The following RBFOX1 variants were observed in gnomAD, a reference collection of about 807,000 sequenced individuals.
RBFOX1 encodes the protein RNA binding fox-1 homolog 1.
A neutral mutation model predicts 57.7 loss-of-function variants in RBFOX1; 8 were observed. That is an observed-to-expected ratio of 0.14 (90% CI 0.08 to 0.25). RBFOX1 has a LOEUF of 0.25. RBFOX1 is among the 10% of genes least tolerant of loss of function. The pLI, the probability that RBFOX1 is intolerant of heterozygous loss-of-function variation, is 1.00. For missense variants in RBFOX1, 611 were observed against 548.5 expected, an observed-to-expected ratio of 1.11 and a Z score of -1.14; for synonymous variants, 326 against 222.4, an observed-to-expected ratio of 1.47 and a Z score of -4.15.
intron 1 of RBFOX1, among the ~76,000 whole-genome samples, chr16:6,023,225 T>C (rs1035845500): frequency 2.0e-5 from 3 of 151,690 alleles, no homozygotes; most frequent in African/African-American, 7.3e-5. Flanking sequence ...CCTCCTGGAA[T>C]TGACCCACTC....
intron 10 of RBFOX1, among the ~76,000 whole-genome samples, chr16:7,617,435 T>C (rs920737621): frequency 2.6e-5 from 4 of 152,154 alleles, no homozygotes; most frequent in Admixed American, 1.3e-4. Flanking sequence ...TACAAAAACA[T>C]TGTCCCTACT....
At chr16:7,696,504 G>T (rs1176732828) in intron 14 of RBFOX1, among the ~76,000 whole-genome samples, 1 of 145,746 alleles carries the variant, frequency 6.9e-6, no homozygotes, top group African/African-American at 2.8e-5. Flanking sequence ...GTATGAGAAT[G>T]GAGGTTGAAA....
chr16:6,532,721 C>T (rs1466768332), intron 2 of RBFOX1, among the ~76,000 whole-genome samples: 1 of 152,262 alleles, frequency 6.6e-6, no homozygotes, highest in East Asian at 1.9e-4. Flanking sequence ...CACTGGACTC[C>T]ATTCCCATTT....
chr16:6,407,567 G>GTGTGTGTGTGTGTGTGTGTC lies in RBFOX1; in HGVS notation c.-64+90510_-64+90511insTGTGTGTGTGTGTGTGTGTC, dbSNP rs67151505. On this transcript the variant is annotated intron_variant, in intron 2 of 15. Transcript: ENST00000550418. Reference sequence around the variant, plus strand: ...TGTGTGTGTGTGTGTGTGTGTGTGTGACAGAGAGAGAGAGAGAGAGAGAGA... The same window carrying GTGTGTGTGTGTGTGTGTGTC: ...TGTGTGTGTGTGTGTGTGTGTGTGTGTGTGTGTGTGTGTGTGTGTCACAGAGAGAGAGAGAGAGAGAGAGA... Among the ~76,000 whole-genome samples the GTGTGTGTGTGTGTGTGTGTC allele has an allele frequency of 1.9e-3, 278 of 145,072 alleles. 4 individuals carry two copies. Among genetic ancestry groups the GTGTGTGTGTGTGTGTGTGTC allele is most frequent in the Middle Eastern group, 0.011 (3 of 278 alleles).
chr16:7,683,911 GC>G (rs1166669612), intron 14 of RBFOX1, among the ~76,000 whole-genome samples: 1 of 152,082 alleles, frequency 6.6e-6, no homozygotes, highest in Non-Finnish European at 1.5e-5. Context: ...AGCTCATGCA[GC>G]ATTTGTGGAT....
At chr16:7,272,505 T>C (rs1299796550) in intron 4 of RBFOX1, among the ~76,000 whole-genome samples, 1 of 152,202 alleles carries the variant, frequency 6.6e-6, no homozygotes, top group Non-Finnish European at 1.5e-5. Context: ...AGTTTAGACA[T>C]ATATGTTGCT....
chr16:7,374,638 CA>C (rs1324018680), intron 4 of RBFOX1, among the ~76,000 whole-genome samples: 2 of 151,946 alleles, frequency 1.3e-5, no homozygotes, highest in African/African-American at 4.8e-5. Context: ...AAACTAAAAA[CA>C]AAAAAATTAA....
intron 2 of RBFOX1, among the ~76,000 whole-genome samples, chr16:6,645,961 G>A (rs536823270): frequency 2.0e-5 from 3 of 152,280 alleles, no homozygotes; most frequent in African/African-American, 7.2e-5. Context: ...TCTGCTATCT[G>A]TGTGGAATCC....
intron 1 of RBFOX1, among the ~76,000 whole-genome samples, chr16:6,308,002 T>C (rs1335811930): frequency 1.3e-5 from 2 of 150,078 alleles, no homozygotes; most frequent in Non-Finnish European, 3.0e-5. Flanking sequence ...GGTTGTTATT[T>C]ACATATTTTT....
intron 4 of RBFOX1, among the ~76,000 whole-genome samples, chr16:7,274,009 C>G (rs369995001): frequency 1.3e-5 from 2 of 152,276 alleles, no homozygotes; most frequent in Admixed American, 1.3e-4. Flanking sequence ...ACCCTCCTTT[C>G]CACTAAGTAA....
intron 4 of RBFOX1, among the ~76,000 whole-genome samples, chr16:7,078,008 G>C (rs551576403): frequency 1.3e-5 from 2 of 152,316 alleles, no homozygotes; most frequent in East Asian, 3.9e-4. Flanking sequence ...CCGGTGAATG[G>C]AGCATTACCT....
At chr16:6,616,455 T>A (rs183388717) in intron 2 of RBFOX1, among the ~76,000 whole-genome samples, 1 of 151,760 alleles carries the variant, frequency 6.6e-6, no homozygotes, top group Non-Finnish European at 1.5e-5. Context: ...GGCGGGTGGA[T>A]CACGAGGTCA....
chr16:6,446,161 C>T (rs2094481128), intron 2 of RBFOX1, among the ~76,000 whole-genome samples: 1 of 152,022 alleles, frequency 6.6e-6, no homozygotes, highest in African/African-American at 2.4e-5. Flanking sequence ...AATTTTTAAG[C>T]CTAGTTAATT....
At chr16:6,167,523 T>A (rs1190918482) in intron 1 of RBFOX1, among the ~76,000 whole-genome samples, 1 of 152,216 alleles carries the variant, frequency 6.6e-6, no homozygotes, top group African/African-American at 2.4e-5. Context: ...CTCTTTGTTT[T>A]GGGGACTGAC....
intron 4 of RBFOX1, among the ~76,000 whole-genome samples, chr16:5,893,912 A>G (rs2058100604): frequency 6.6e-6 from 1 of 152,216 alleles, no homozygotes; most frequent in Non-Finnish European, 1.5e-5. Context: ...AACAATTAAA[A>G]AAAAGATCAC....
chr16:6,971,010 T>G (rs1023805955), intron 3 of RBFOX1, among the ~76,000 whole-genome samples: 3 of 152,278 alleles, frequency 2.0e-5, no homozygotes, highest in African/African-American at 7.2e-5. Flanking sequence ...ACAGTTTCCT[T>G]CAACAGATAT....
At chr16:6,988,831 G>A (rs1207173106) in intron 3 of RBFOX1, among the ~76,000 whole-genome samples, 4 of 151,158 alleles carry the variant, frequency 2.6e-5, no homozygotes, top group African/African-American at 9.8e-5. Flanking sequence ...GAGTGCAATG[G>A]CATAATCTCG....
intron 1 of RBFOX1, among the ~76,000 whole-genome samples, chr16:6,275,629 A>G (rs992966687): frequency 2.6e-5 from 4 of 152,150 alleles, no homozygotes; most frequent in African/African-American, 7.2e-5. Context: ...ATTTATTTCC[A>G]TTGTGTACTG....
chr16:6,038,937 C>T (rs905352469), intron 1 of RBFOX1: 9 of 127,794 alleles, frequency 7.0e-5, no homozygotes. Context: ...GCATCAGTGT[C>T]TATGTGTGGA....
Sources: gnomAD v4.1 joint callset for allele counts (sites outside exome capture counted in the v4.1 genomes callset) on GRCh38, gnomAD v4.1.1 for gene constraint, MANE v1.5 for transcripts, NCBI Gene and HGNC (gene_info 2026-07-23, HGNC 2026-07-21) for gene names.